MTHFD2L: variants seen among roughly 807,000 people sequenced by gnomAD.
The protein encoded by MTHFD2L is bifunctional methylenetetrahydrofolate dehydrogenase/cyclohydrolase 2, mitochondrial.
MTHFD2L carries 29 observed loss-of-function variants against 34.9 expected under a neutral mutation model. The ratio of observed to expected loss-of-function variants is 0.83; its 90% CI spans 0.62 to 1.13. The LOEUF is 1.13. Among genes scored for constraint, MTHFD2L ranks in the 50% most tolerant of loss-of-function variants. The probability of loss-of-function intolerance (pLI) is 0.00; values close to 1 mark genes in which losing one functional copy is unlikely to be tolerated. For synonymous variants in MTHFD2L, 167 were observed against 155.7 expected, an observed-to-expected ratio of 1.07 and a Z score of -0.54; for missense variants, 481 against 446.5, an observed-to-expected ratio of 1.08 and a Z score of -0.70.
intron 5 of MTHFD2L, among the ~76,000 whole-genome samples, chr4:74,209,608 G>T (rs1735956232): frequency 1.3e-5 from 2 of 152,166 alleles, no homozygotes; most frequent in African/African-American, 4.8e-5. Context: ...TGGGCATTTG[G>T]GTTGGTTCCA....
rs567659385 is a variant in MTHFD2L at position 74,207,915 on chromosome 4, T to C, written c.712+6545T>C. Among the ~76,000 whole-genome samples, 149 of 152,124 alleles carry C rather than the reference T, an allele frequency of 9.8e-4. 1 individual carries two copies. Among genetic ancestry groups the C allele is most frequent in the Admixed American group, 2.5e-3 (38 of 15,262 alleles). ...GGTGGCAGGTTGAGCCAAGCTCTTTTAGGTTTCAAAGAGAGGAGCCAAATA... is the reference window on the plus strand; with the variant it reads ...GGTGGCAGGTTGAGCCAAGCTCTTTCAGGTTTCAAAGAGAGGAGCCAAATA... On this transcript the variant is annotated intron_variant, in intron 5 of 7. Coordinates refer to ENST00000325278, the MANE Select transcript of MTHFD2L (RefSeq NM_001144978.3).
At chr4:74,129,561 A>G (rs779330373) in intron 1 of MTHFD2L, among the ~76,000 whole-genome samples, 1 of 152,160 alleles carries the variant, frequency 6.6e-6, no homozygotes, top group Admixed American at 6.5e-5. Flanking sequence ...ACATACCAGA[A>G]TCTCTGGGAC....
intron 6 of MTHFD2L, among the ~76,000 whole-genome samples, chr4:74,246,923 G>T (rs532394016): frequency 1.3e-5 from 2 of 152,252 alleles, no homozygotes; most frequent in Non-Finnish European, 2.9e-5. Flanking sequence ...GATGTCTCCA[G>T]CTTTGTTCCT....
At chr4:74,274,287 C>T (rs1428379874) in intron 6 of MTHFD2L, among the ~76,000 whole-genome samples, 2 of 152,036 alleles carry the variant, frequency 1.3e-5, no homozygotes, top group African/African-American at 4.8e-5. Flanking sequence ...TGATTTCTAC[C>T]AAGGATAAAA....
chr4:74,160,012 G>A (rs1356905106), intron 1 of MTHFD2L: 4 of 1,245,464 alleles, frequency 3.2e-6, no homozygotes, highest in Non-Finnish European at 4.1e-6. Context: ...GGAGGAATTC[G>A]GACAGTGTGT....
intron 6 of MTHFD2L, among the ~76,000 whole-genome samples, chr4:74,247,707 C>G (rs1176792702): frequency 5.3e-5 from 8 of 152,114 alleles, no homozygotes; most frequent in Admixed American, 5.2e-4. Context: ...TGAATTTTGT[C>G]AAAGGTCTTT....
At chr4:74,301,669 A>G (rs1750344818) in intron 7 of MTHFD2L, 28 bp from the exon 8 acceptor site, 1 of 1,320,688 alleles carries the variant, frequency 7.6e-7, no homozygotes, top group African/African-American at 1.5e-5. Flanking sequence ...AAAATAAAGA[A>G]TATCTGTTTG....
intron 6 of MTHFD2L, among the ~76,000 whole-genome samples, chr4:74,244,519 T>G (rs1742148155): frequency 6.6e-6 from 1 of 152,152 alleles, no homozygotes; most frequent in Non-Finnish European, 1.5e-5. Flanking sequence ...TACTTATATG[T>G]TTTTTTCTCA....
rs764839659 is a variant in MTHFD2L, at chr4:74,270,693, G to GGA, written c.806-10731_806-10730dup. ...TCCTTTGGGTATATACCCAGTAATG[G>GGA]GACGGCTGAGTCAAATGGTATTTCT... On this transcript the variant is annotated intron_variant, in intron 6 of 7. Transcript: ENST00000325278. Among the ~76,000 whole-genome samples, 127 of 152,296 alleles carry GGA rather than the reference G, an allele frequency of 8.3e-4. 1 individual carries two copies. Among genetic ancestry groups the GGA allele is most frequent in the Non-Finnish European group, 1.4e-3 (97 of 68,032 alleles).
Position 74,301,697 on chromosome 4 carries a change from C to A in MTHFD2L, c.932C>A (p.Ala311Asp). ...TKLVGDVDFE[A>D]VKKKAGFITP... is the part of the protein sequence containing the mutation. ...TCTGTTTGTTTTTTTTCCTCATCAG[C>A]TGTTAAAAAGAAAGCTGGCTTTATC... is the stretch of plus-strand genomic sequence containing the variant. The change falls in exon 8 of 8, where the codon GCT becomes GAT. Residue 311 changes from alanine (A) to aspartate (D), a missense_variant and splice_region_variant. Ala to Asp is a moderately radical substitution (Grantham distance 126, BLOSUM62 -2). Coordinates refer to ENST00000325278, the MANE Select transcript of MTHFD2L (RefSeq NM_001144978.3). 1 of 1,555,242 alleles carries A rather than the reference C, an allele frequency of 6.4e-7. No homozygotes were observed. The highest frequency in any genetic ancestry group is 8.7e-7 in the Non-Finnish European group (1 of 1,152,456).
chr4:74,224,358 C>T (rs1738802020), intron 5 of MTHFD2L, among the ~76,000 whole-genome samples: 1 of 152,144 alleles, frequency 6.6e-6, no homozygotes, highest in African/African-American at 2.4e-5. Context: ...GCCTTTCTCC[C>T]TGTATGGTAT....
At chr4:74,211,340 T>G (rs543582) in intron 5 of MTHFD2L, among the ~76,000 whole-genome samples, 4,739 of 152,264 alleles carry the variant, frequency 0.031, 256 homozygotes, top group African/African-American at 0.11. Flanking sequence ...TAGCTCTTAT[T>G]ATTTTGAGAT....
chr4:74,164,456 G>A (rs1438795232), intron 1 of MTHFD2L, among the ~76,000 whole-genome samples: 1 of 152,106 alleles, frequency 6.6e-6, no homozygotes, highest in Non-Finnish European at 1.5e-5. Flanking sequence ...TTTTCTGGAA[G>A]TACAAGTAAA....
intron 1 of MTHFD2L, among the ~76,000 whole-genome samples, chr4:74,172,981 A>C (rs977335178): frequency 6.6e-6 from 1 of 152,190 alleles, no homozygotes; most frequent in African/African-American, 2.4e-5. Flanking sequence ...TAGAAAATTA[A>C]AAGTGTACAG....
chr4:74,125,576 T>C (rs1392884656), intron 1 of MTHFD2L: 1 of 152,164 alleles, frequency 6.6e-6, no homozygotes, highest in Non-Finnish European at 1.5e-5. Context: ...ATGAAACTAA[T>C]AGGAAAGATT....
At chr4:74,145,664 C>T (rs149585747) in intron 1 of MTHFD2L, among the ~76,000 whole-genome samples, 1 of 152,120 alleles carries the variant, frequency 6.6e-6, no homozygotes, top group Non-Finnish European at 1.5e-5. Context: ...TCTGTCCCCA[C>T]CCAAATCTCA....
At chr4:74,207,124 T>C (rs1393395841) in intron 5 of MTHFD2L, among the ~76,000 whole-genome samples, 2 of 152,000 alleles carry the variant, frequency 1.3e-5, no homozygotes, top group Non-Finnish European at 2.9e-5. Flanking sequence ...GGTCTCGAAC[T>C]CCTGAGCTCA....
rs534245693 is a variant in MTHFD2L, at chr4:74,144,189, A to T, written c.-296-15866A>T. Among the ~76,000 whole-genome samples the T allele has an allele frequency of 7.2e-5, 11 of 152,302 alleles. 1 individual carries two copies. In the South Asian group the frequency reaches 2.1e-3, roughly 29 times the overall value. ...GTTAGATGGCTGGGTGCAGTGGCTCACACCTGTAATCCCAGCATTTTGGGA... is the reference window on the plus strand; with the variant it reads ...GTTAGATGGCTGGGTGCAGTGGCTCTCACCTGTAATCCCAGCATTTTGGGA... On this transcript the variant is annotated intron_variant, in intron 1 of 7. Transcript: ENST00000433372.
At chr4:74,237,271 G>A in intron 6 of MTHFD2L, among the ~76,000 whole-genome samples, 1 of 152,130 alleles carries the variant, frequency 6.6e-6, no homozygotes, top group African/African-American at 2.4e-5. Flanking sequence ...ATTTATATTT[G>A]TGTTTCTTGT....
Sources: gnomAD v4.1 joint callset for allele counts (sites outside exome capture counted in the v4.1 genomes callset) on GRCh38, gnomAD v4.1.1 for gene constraint, MANE v1.5 for transcripts, NCBI Gene and HGNC (gene_info 2026-07-23, HGNC 2026-07-21) for gene names.